TANC1: variants seen among roughly 807,000 people sequenced by gnomAD.
TANC1 encodes tetratricopeptide repeat, ankyrin repeat and coiled-coil containing 1, also known as protein TANC1.
A neutral mutation model predicts 149.7 loss-of-function variants in TANC1; 77 were observed. The observed-to-expected ratio is 0.51, with a 90% CI of 0.43 to 0.62. The LOEUF is 0.62. Ranked by LOEUF, TANC1 falls within the 20% of genes least tolerant of loss-of-function variation. TANC1 has a pLI of 0.00. For synonymous variants in TANC1, 854 were observed against 925.0 expected (o/e 0.92, Z 1.39); for missense variants, 1,985 against 2,321.8 (o/e 0.85, Z 2.98).
chr2:159,097,927 C>A, intron 4 of TANC1, 93 bp downstream of exon 4: 6 of 1,073,544 alleles, frequency 5.6e-6, no homozygotes, highest in Non-Finnish European at 8.1e-6. Context: ...TCTTCTGGGA[C>A]AATGTTTTTT....
At chr2:158,979,354 A>G (rs1421081927) in intron 1 of TANC1, among the ~76,000 whole-genome samples, 1 of 151,974 alleles carries the variant, frequency 6.6e-6, no homozygotes, top group Non-Finnish European at 1.5e-5. Context: ...TTAGCCAGGC[A>G]TGGTGGTACC....
chr2:159,074,281 G>A (rs987632960), intron 3 of TANC1, among the ~76,000 whole-genome samples: 3 of 152,166 alleles, frequency 2.0e-5, no homozygotes, highest in Admixed American at 2.0e-4. Context: ...TTGTCAGGGA[G>A]TTGCCCATTT....
At chr2:159,063,149 C>T (rs1302046486) in intron 2 of TANC1, among the ~76,000 whole-genome samples, 2 of 152,040 alleles carry the variant, frequency 1.3e-5, no homozygotes, top group East Asian at 3.9e-4. Context: ...AGCCAAATTA[C>T]GAGGTGTCTC....
intron 2 of TANC1, among the ~76,000 whole-genome samples, chr2:159,036,315 C>G (rs527449298): frequency 6.6e-6 from 1 of 152,144 alleles, no homozygotes; most frequent in Non-Finnish European, 1.5e-5. Flanking sequence ...GAAGCTCTTG[C>G]AGCATTTGCA....
At chr2:159,164,043 G>A (rs536803060) in intron 8 of TANC1, among the ~76,000 whole-genome samples, 5 of 152,316 alleles carry the variant, frequency 3.3e-5, no homozygotes, top group African/African-American at 7.2e-5. Context: ...AGCAGTGGAA[G>A]TAGGAGCTCT....
intron 2 of TANC1, among the ~76,000 whole-genome samples, chr2:159,061,759 C>T (rs1348574861): frequency 6.6e-6 from 1 of 152,154 alleles, no homozygotes; most frequent in East Asian, 1.9e-4. Flanking sequence ...CACTCTCTTC[C>T]TCAAAAATAT....
At chr2:159,053,839 G>A (rs2041647986) in intron 2 of TANC1, among the ~76,000 whole-genome samples, 1 of 152,166 alleles carries the variant, frequency 6.6e-6, no homozygotes. Flanking sequence ...CTCCCCCTGT[G>A]GGCTAATGAA....
At chr2:159,215,575 G>T (rs1384690267) in intron 19 of TANC1, among the ~76,000 whole-genome samples, 1 of 152,204 alleles carries the variant, frequency 6.6e-6, no homozygotes, top group South Asian at 2.1e-4. Context: ...AGACCAAGGG[G>T]TGTGTGCAGA....
Position 159,178,911 on chromosome 2 carries a change from G to A in TANC1, c.2258G>A (p.Arg753Lys), listed in dbSNP as rs768556651. ...TTCATGACCCAGTCCGCCTTTGAGAGGGCACTTCCGATTCTCAACGTGGCC... is the reference window on the plus strand; with the variant it reads ...TTCATGACCCAGTCCGCCTTTGAGAAGGCACTTCCGATTCTCAACGTGGCC... Reference protein sequence around the residue: ...MKFMTQSAFERALPILNVALA... With the variant: ...MKFMTQSAFEKALPILNVALA... Residue 753 changes from arginine (R) to lysine (K), a missense_variant, in exon 14 of 27, where the codon AGG becomes AAG. Coordinates refer to ENST00000263635, the MANE Select transcript of TANC1 (RefSeq NM_033394.3). 29 of 1,614,166 alleles carry A rather than the reference G, an allele frequency of 1.8e-5. No homozygotes were observed. The highest frequency in any genetic ancestry group is 2.5e-5 in the Non-Finnish European group (29 of 1,180,038).
intron 7 of TANC1, among the ~76,000 whole-genome samples, chr2:159,154,301 G>A (rs1264615218): frequency 6.6e-6 from 1 of 152,120 alleles, no homozygotes; most frequent in African/African-American, 2.4e-5. Flanking sequence ...AAGCTGATTC[G>A]CATCATGTTG....
intron 2 of TANC1, among the ~76,000 whole-genome samples, chr2:159,051,651 T>TTGTG (rs58015346): frequency 0.067 from 9,527 of 142,802 alleles, 404 homozygotes; most frequent in South Asian, 0.16. Flanking sequence ...GAAGTGGTGT[T>TTGTG]TGTGTGTGTG....
intron 4 of TANC1, among the ~76,000 whole-genome samples, chr2:159,123,522 C>G (rs1217142787): frequency 6.6e-6 from 1 of 152,096 alleles, no homozygotes; most frequent in Non-Finnish European, 1.5e-5. Context: ...CCCCATATCT[C>G]CCTTCTCACA....
At chr2:159,205,854 G>C (rs911239818) in intron 19 of TANC1, among the ~76,000 whole-genome samples, 2 of 152,248 alleles carry the variant, frequency 1.3e-5, no homozygotes, top group African/African-American at 4.8e-5. Flanking sequence ...CCCATGGCTT[G>C]TTGGGGCATG....
At chr2:159,007,700 G>A (rs572958897) in intron 2 of TANC1, among the ~76,000 whole-genome samples, 2 of 152,334 alleles carry the variant, frequency 1.3e-5, no homozygotes, top group East Asian at 1.9e-4. Context: ...TAAGTGATGC[G>A]TAACTGTATT....
intron 3 of TANC1, among the ~76,000 whole-genome samples, chr2:159,086,464 G>A (rs2044867162): frequency 6.6e-6 from 1 of 152,078 alleles, no homozygotes; most frequent in Non-Finnish European, 1.5e-5. Flanking sequence ...AAGGGCAAGT[G>A]TGTGGCAGGC....
rs1023082571 is a variant in TANC1 at position 159,232,188 on chromosome 2, A to G, written c.*1176A>G. 2.0e-5 allele frequency: 3 copies of G among 152,628 alleles called. No individual in the cohort carries two copies. The highest frequency in any genetic ancestry group is 2.0e-4 in the Admixed American group (3 of 15,286). The allele number at this position is 152,628 out of a possible 1,614,324, so 9.5% of individuals were successfully genotyped here. ...AGGTGCTACTTAAGTCCAAGCTCTG[A>G]TGTATTATTCATTTGTAAAGATAAG... On this transcript the variant is annotated 3_prime_UTR_variant, in exon 27 of 27. Coordinates refer to ENST00000263635, the MANE Select transcript of TANC1 (RefSeq NM_033394.3).
At chr2:159,006,813 A>G (rs959216188) in intron 2 of TANC1, among the ~76,000 whole-genome samples, 1 of 152,202 alleles carries the variant, frequency 6.6e-6, no homozygotes, top group Admixed American at 6.5e-5. Flanking sequence ...GGATGTTTGG[A>G]GAGTAAACCG....
chr2:159,079,950 A>T (rs1399741247), intron 3 of TANC1, among the ~76,000 whole-genome samples: 1 of 152,220 alleles, frequency 6.6e-6, no homozygotes, highest in Non-Finnish European at 1.5e-5. Flanking sequence ...AAGTTTAACG[A>T]ATTTTTAAAT....
intron 14 of TANC1, among the ~76,000 whole-genome samples, chr2:159,179,937 C>T (rs932801010): frequency 2.0e-5 from 3 of 152,198 alleles, no homozygotes; most frequent in Non-Finnish European, 4.4e-5. Flanking sequence ...TCTGCTGTCT[C>T]GAGTGGCTTC....
Sources: gnomAD v4.1 joint callset for allele counts (sites outside exome capture counted in the v4.1 genomes callset) on GRCh38, gnomAD v4.1.1 for gene constraint, MANE v1.5 for transcripts, NCBI Gene and HGNC (gene_info 2026-07-23, HGNC 2026-07-21) for gene names.